ORC5: variants seen among roughly 807,000 people sequenced by gnomAD.
ORC5 encodes the protein protein phosphatase 1, regulatory subunit 117.
Under a neutral mutation model 58.8 loss-of-function variants are expected in ORC5, and 39 were observed. The observed-to-expected ratio is 0.66, with a 90% CI of 0.51 to 0.87. The LOEUF is 0.87. Among genes scored for constraint, ORC5 ranks in the 40% least tolerant of loss-of-function variants. The pLI, the probability that ORC5 is intolerant of heterozygous loss-of-function variation, is 0.00. For missense variants in ORC5, 493 were observed against 506.3 expected, an observed-to-expected ratio of 0.97 and a Z score of 0.25; for synonymous variants, 218 against 177.6, an observed-to-expected ratio of 1.23 and a Z score of -1.81.
chr7:104,180,654 T>C (rs1562821187), intron 8 of ORC5, among the ~76,000 whole-genome samples: 1 of 152,218 alleles, frequency 6.6e-6, no homozygotes, highest in Non-Finnish European at 1.5e-5. Flanking sequence ...ATTTTTCATA[T>C]TGTAAAGATA....
chr7:104,196,258 T>A (rs1799799716), intron 4 of ORC5, among the ~76,000 whole-genome samples: 1 of 152,166 alleles, frequency 6.6e-6, no homozygotes, highest in Non-Finnish European at 1.5e-5. Flanking sequence ...TACTGCACTC[T>A]GGATACCAGA....
chr7:104,170,375 C>T (rs1296845754), intron 8 of ORC5, among the ~76,000 whole-genome samples: 1 of 152,130 alleles, frequency 6.6e-6, no homozygotes, highest in Non-Finnish European at 1.5e-5. Context: ...TAAGGATCTT[C>T]AGATAGACAT....
chr7:104,169,073 G>C (rs1799160954), intron 8 of ORC5, among the ~76,000 whole-genome samples: 1 of 152,096 alleles, frequency 6.6e-6, no homozygotes, highest in African/African-American at 2.4e-5. Flanking sequence ...GAGTGAGCCT[G>C]TCTTTAAAAA....
At chr7:104,157,831 A>G (rs1197924458) in intron 12 of ORC5, among the ~76,000 whole-genome samples, 2 of 152,124 alleles carry the variant, frequency 1.3e-5, no homozygotes, top group African/African-American at 4.8e-5. Context: ...TATTACAATC[A>G]CAACTACAAT....
chr7:104,177,541 ATG>A (rs1469665443), intron 8 of ORC5, among the ~76,000 whole-genome samples: 2 of 152,118 alleles, frequency 1.3e-5, no homozygotes, highest in South Asian at 2.1e-4. Context: ...CAAAAATAAG[ATG>A]TGTTTTTAAT....
chr7:104,206,677 A>G (rs2116130910), intron 1 of ORC5, among the ~76,000 whole-genome samples: 1 of 152,362 alleles, frequency 6.6e-6, no homozygotes, highest in South Asian at 2.1e-4. Flanking sequence ...TCAAATTGCC[A>G]TGCAATATTT....
chr7:104,204,045 G>C, intron 2 of ORC5, 97 bp downstream of exon 2: 1 of 584,694 alleles, frequency 1.7e-6, no homozygotes, highest in East Asian at 3.0e-5. Flanking sequence ...ATGTAAAGGT[G>C]GTATGTTCAA....
At chr7:104,205,403 C>A (rs1213903486) in intron 1 of ORC5, among the ~76,000 whole-genome samples, 4 of 151,968 alleles carry the variant, frequency 2.6e-5, no homozygotes, top group African/African-American at 9.7e-5. Flanking sequence ...TTTAATAATA[C>A]ATTTTTTTAA....
chr7:104,182,496 T>C (rs1443977208), intron 8 of ORC5, among the ~76,000 whole-genome samples: 1 of 152,032 alleles, frequency 6.6e-6, no homozygotes, highest in Non-Finnish European at 1.5e-5. Flanking sequence ...TTTGGCAACA[T>C]CCTTAATACA....
At chr7:104,181,075 A>C (rs1799421903) in intron 8 of ORC5, among the ~76,000 whole-genome samples, 1 of 152,230 alleles carries the variant, frequency 6.6e-6, no homozygotes, top group South Asian at 2.1e-4. Context: ...CTAATGAAGA[A>C]ATGATGGGCT....
Position 104,136,995 on chromosome 7 carries a change from CA to C in ORC5, c.1150-103del. The C allele has an allele frequency of 1.4e-6, 1 of 721,700 alleles. No homozygotes were observed. Among genetic ancestry groups the C allele is most frequent in the South Asian group, 1.9e-5 (1 of 51,766 alleles). 44.7% of individuals were successfully genotyped at this position (721,700 alleles called of 1,614,324 possible). ...CTGATAAAGATACATAACTGAATCA[CA>C]AAAAACGTCTGCAAAGAAAATGACT... On this transcript the variant is annotated intron_variant, in intron 12 of 13. Coordinates refer to ENST00000297431, the MANE Select transcript of ORC5 (RefSeq NM_002553.4). The surrounding 1 kb of genome is among the most constrained non-coding windows in gnomAD (Gnocchi z 4.2).
At chr7:104,168,185 T>TA in intron 9 of ORC5, 1 of 738,286 alleles carries the variant, frequency 1.4e-6, no homozygotes. Context: ...GTCACATAAT[T>TA]AGATTGCTTT....
At chr7:104,181,020 T>C (rs1305715785) in intron 8 of ORC5, among the ~76,000 whole-genome samples, 1 of 152,222 alleles carries the variant, frequency 6.6e-6, no homozygotes, top group African/African-American at 2.4e-5. Context: ...TACAAGTTTC[T>C]AGTAACTTAA....
intron 6 of ORC5, among the ~76,000 whole-genome samples, chr7:104,185,523 C>T (rs1406214334): frequency 1.3e-5 from 2 of 152,068 alleles, no homozygotes; most frequent in African/African-American, 4.8e-5. Flanking sequence ...TTTCGTATGA[C>T]TCAAAGTATT....
At chr7:104,163,864 G>C (rs1438529475) in intron 11 of ORC5, among the ~76,000 whole-genome samples, 1 of 152,150 alleles carries the variant, frequency 6.6e-6, no homozygotes, top group Non-Finnish European at 1.5e-5. Context: ...ATTAACTTCA[G>C]TAGATATTGT....
chr7:104,179,738 A>T (rs1799396915), intron 8 of ORC5, among the ~76,000 whole-genome samples: 1 of 151,320 alleles, frequency 6.6e-6, no homozygotes, highest in South Asian at 2.1e-4. Context: ...TGGTAATTTC[A>T]TTTCTTGAGG....
At chr7:104,132,286 C>T (rs1241098384) in intron 13 of ORC5, among the ~76,000 whole-genome samples, 1 of 152,122 alleles carries the variant, frequency 6.6e-6, no homozygotes, top group Admixed American at 6.5e-5. Flanking sequence ...CTGTTACATG[C>T]ACTTAAGCTT....
At chr7:104,157,976 T>G (rs1375902288) in intron 12 of ORC5, among the ~76,000 whole-genome samples, 3 of 152,088 alleles carry the variant, frequency 2.0e-5, no homozygotes, top group Non-Finnish European at 4.4e-5. Context: ...CTTAACTCTA[T>G]CCTTTGGAAA....
chr7:104,197,661 AAAC>A, intron 4 of ORC5, 61 bp downstream of exon 4: 1 of 1,093,918 alleles, frequency 9.1e-7, no homozygotes, highest in South Asian at 1.5e-5. Flanking sequence ...GCAAAATGAA[AAAC>A]TTTTACAACA....
Sources: gnomAD v4.1 joint callset for allele counts (sites outside exome capture counted in the v4.1 genomes callset) on GRCh38, gnomAD v4.1.1 for gene constraint, Gnocchi (gnomAD v3.1) non-coding constraint, MANE v1.5 for transcripts, NCBI Gene and HGNC (gene_info 2026-07-23, HGNC 2026-07-21) for gene names.